The following ACYP2 variants were observed in gnomAD, a reference collection of about 807,000 sequenced individuals.
ACYP2 encodes the protein acylphosphatase-2.
In ACYP2, 12 loss-of-function variants were observed where a neutral mutation model predicts 11.2. The observed-to-expected ratio is 1.08, with a 90% CI of 0.69 to 1.74. The LOEUF (loss-of-function observed/expected upper bound fraction) is 1.74. ACYP2 is among the 40% of genes most tolerant of loss of function. The pLI, the probability that ACYP2 is intolerant of heterozygous loss-of-function variation, is 0.00. For synonymous variants in ACYP2, 43 were observed against 32.2 expected (o/e 1.33, Z -1.13); for missense variants, 134 against 101.9 (o/e 1.31, Z -1.35).
intron 6 of ACYP2, among the ~76,000 whole-genome samples, chr2:54,264,426 A>G (rs1449490990): frequency 6.6e-6 from 1 of 152,080 alleles, no homozygotes; most frequent in African/African-American, 2.4e-5. Context: ...CTAGGCAGAA[A>G]AGTTTTCCAA....
At chr2:54,017,145 C>G (rs1031578253) in intron 2 of ACYP2, among the ~76,000 whole-genome samples, 4 of 152,186 alleles carry the variant, frequency 2.6e-5, no homozygotes, top group Middle Eastern at 3.2e-3. Flanking sequence ...GACCCACTCC[C>G]TCAAGCCCTT....
At chr2:54,116,870 G>C (rs574783238) in intron 4 of ACYP2, among the ~76,000 whole-genome samples, 47 of 152,284 alleles carry the variant, frequency 3.1e-4, no homozygotes, top group South Asian at 2.1e-4. Flanking sequence ...CTATTTTAAA[G>C]AGCAGGCGTA....
chr2:54,223,907 G>A (rs1685897634), intron 6 of ACYP2, among the ~76,000 whole-genome samples: 3 of 151,862 alleles, frequency 2.0e-5, no homozygotes, highest in Admixed American at 2.0e-4. Flanking sequence ...AACAAATATT[G>A]TTTTATTTAT....
intron 6 of ACYP2, among the ~76,000 whole-genome samples, chr2:54,155,719 C>T (rs915982355): frequency 2.0e-5 from 3 of 152,206 alleles, no homozygotes; most frequent in South Asian, 4.1e-4. Flanking sequence ...AAATTTCCCT[C>T]TTAGAATTGC....
Position 53,980,168 on chromosome 2 carries a change from C to G in ACYP2, c.62+6358C>G, listed in dbSNP as rs552179168. ...GACCAGCTATGTTACCAAGAGGCAA[C>G]ATAGCAAGACTCCATCTCTACAAAA... On this transcript the variant is annotated intron_variant, in intron 2 of 6. Transcript: ENST00000607452. Among the ~76,000 whole-genome samples the G allele has an allele frequency of 5.3e-5, 8 of 152,100 alleles. No homozygotes were observed. The East Asian group carries it at 1.6e-3, about 29-fold the overall frequency.
intron 6 of ACYP2, among the ~76,000 whole-genome samples, chr2:54,161,432 A>T (rs1381689926): frequency 6.6e-6 from 1 of 152,236 alleles, no homozygotes; most frequent in Non-Finnish European, 1.5e-5. Context: ...TCAGGATTCA[A>T]AGAGGAGTTA....
chr2:54,117,792 CT>C (rs1381843517), intron 4 of ACYP2, among the ~76,000 whole-genome samples: 1 of 152,002 alleles, frequency 6.6e-6, no homozygotes, highest in African/African-American at 2.4e-5. Context: ...TCCTATAGGT[CT>C]TTGGAGAACA....
chr2:54,020,293 A>G (rs1433275177), intron 2 of ACYP2, among the ~76,000 whole-genome samples: 1 of 152,182 alleles, frequency 6.6e-6, no homozygotes, highest in African/African-American at 2.4e-5. Flanking sequence ...ATAAAACTGT[A>G]ATTGTGTTGT....
At chr2:54,210,929 C>T (rs921428024) in intron 6 of ACYP2, among the ~76,000 whole-genome samples, 1 of 152,192 alleles carries the variant, frequency 6.6e-6, no homozygotes. Context: ...TATGACCATA[C>T]TTATTTCCAA....
At chr2:54,139,035 C>T (rs1305144354) in intron 6 of ACYP2, among the ~76,000 whole-genome samples, 14 of 152,156 alleles carry the variant, frequency 9.2e-5, no homozygotes, top group Admixed American at 9.2e-4. Context: ...TACAATCAAA[C>T]TAATATGTTT....
intron 6 of ACYP2, among the ~76,000 whole-genome samples, chr2:54,248,506 G>A (rs375320594): frequency 2.6e-5 from 4 of 152,090 alleles, no homozygotes; most frequent in Admixed American, 2.6e-4. Context: ...TTATGGTCTA[G>A]TATGGTGTCT....
At position 54,269,583 on chromosome 2, in the gene ACYP2, A is replaced by C. The variant is rs1688189995; in HGVS notation, c.405-35105A>C. ...TTCCCCAGTGCCTTTGGGAAATGTG[A>C]GTGTTCTCTGTAAAAGTTCTGGCAT... On this transcript the variant is annotated intron_variant, in intron 6 of 6. Coordinates refer to ENST00000607452, the MANE Select transcript of ACYP2 (RefSeq NM_001320586.2). Among the ~76,000 whole-genome samples the C allele has an allele frequency of 2.0e-5, 3 of 152,152 alleles. No individual in the cohort carries two copies. The South Asian group carries it at 6.2e-4, about 32-fold the overall frequency.
At chr2:54,260,486 T>C (rs911414859) in intron 6 of ACYP2, among the ~76,000 whole-genome samples, 2 of 152,178 alleles carry the variant, frequency 1.3e-5, no homozygotes, top group Non-Finnish European at 2.9e-5. Context: ...GAGTTGGATT[T>C]AGACCTGAAA....
chr2:54,008,299 A>G (rs1358233964), intron 2 of ACYP2, among the ~76,000 whole-genome samples: 1 of 152,180 alleles, frequency 6.6e-6, no homozygotes, highest in African/African-American at 2.4e-5. Context: ...TTTGGTTTTG[A>G]TTTCTCAGTA....
At chr2:53,991,840 G>T (rs1409780049) in intron 2 of ACYP2, among the ~76,000 whole-genome samples, 7 of 151,712 alleles carry the variant, frequency 4.6e-5, no homozygotes, top group African/African-American at 1.7e-4. Flanking sequence ...GTACAAGATG[G>T]AGTGTAGTGG....
At chr2:53,982,929 C>G (rs1169298434) in intron 2 of ACYP2, among the ~76,000 whole-genome samples, 1 of 149,714 alleles carries the variant, frequency 6.7e-6, no homozygotes, top group African/African-American at 2.5e-5. Flanking sequence ...TGTGAACAAC[C>G]TATAAGTTAG....
chr2:53,994,697 A>T (rs1284424047), intron 2 of ACYP2, among the ~76,000 whole-genome samples: 1 of 152,154 alleles, frequency 6.6e-6, no homozygotes, highest in Non-Finnish European at 1.5e-5. Context: ...CCTTCAACCA[A>T]ATAGTTCTTA....
intron 6 of ACYP2, among the ~76,000 whole-genome samples, chr2:54,150,575 C>T (rs1369244728): frequency 2.0e-5 from 3 of 151,906 alleles, no homozygotes; most frequent in Admixed American, 6.6e-5. Flanking sequence ...GCGTGGGCCA[C>T]CATACGCAGC....
chr2:54,149,727 C>A (rs867446966), intron 6 of ACYP2, among the ~76,000 whole-genome samples: 1 of 152,026 alleles, frequency 6.6e-6, no homozygotes, highest in Middle Eastern at 3.4e-3. Flanking sequence ...TTTTTTAAAC[C>A]GTATGTTATG....
Sources: gnomAD v4.1 joint callset for allele counts (sites outside exome capture counted in the v4.1 genomes callset) on GRCh38, gnomAD v4.1.1 for gene constraint, MANE v1.5 for transcripts, NCBI Gene and HGNC (gene_info 2026-07-23, HGNC 2026-07-21) for gene names.